The following BORCS8 variants were observed in gnomAD, a reference collection of about 807,000 sequenced individuals.
BORCS8 encodes BLOC-1 related complex subunit 8, also known as BLOC-1-related complex subunit 8.
BORCS8 carries 13 observed loss-of-function variants against 18.7 expected under a neutral mutation model. That is an observed-to-expected ratio of 0.70 (90% confidence interval 0.45 to 1.11). The LOEUF is 1.11. Ranked by LOEUF, BORCS8 falls within the 50% of genes least tolerant of loss-of-function variation. The pLI, the probability that BORCS8 is intolerant of heterozygous loss-of-function variation, is 0.00. For missense variants in BORCS8, 165 were observed against 165.7 expected, an observed-to-expected ratio of 1.00 and a Z score of 0.02; for synonymous variants, 68 against 64.8, an observed-to-expected ratio of 1.05 and a Z score of -0.24.
At chr19:19,187,828 C>G (rs906496841) in intron 1 of BORCS8, among the ~76,000 whole-genome samples, 5 of 150,562 alleles carry the variant, frequency 3.3e-5, no homozygotes, top group Non-Finnish European at 7.4e-5. Context: ...TGAGCCACCG[C>G]GCCTGGCCAG....
intron 1 of BORCS8, among the ~76,000 whole-genome samples, chr19:19,187,556 T>C (rs2146427295): frequency 1.3e-5 from 2 of 150,924 alleles, no homozygotes; most frequent in East Asian, 3.9e-4. Flanking sequence ...TTTTTTTTTT[T>C]TGAGACAGAG....
intron 2 of BORCS8, among the ~76,000 whole-genome samples, chr19:19,186,349 G>C (rs372285477): frequency 3.9e-5 from 6 of 152,292 alleles, no homozygotes; most frequent in African/African-American, 1.4e-4. Flanking sequence ...CTGCCTCCTT[G>C]CCATGCAGGT....
intron 3 of BORCS8, among the ~76,000 whole-genome samples, chr19:19,184,415 C>G (rs2060386610): frequency 6.7e-6 from 1 of 149,468 alleles, no homozygotes; most frequent in African/African-American, 2.5e-5. Flanking sequence ...ATGCCATTCT[C>G]CTGCCTCAGC....
intron 2 of BORCS8, among the ~76,000 whole-genome samples, 193 bp downstream of exon 2, chr19:19,186,700 C>A (rs545519561): frequency 6.6e-6 from 1 of 152,368 alleles, no homozygotes; most frequent in East Asian, 1.9e-4. Flanking sequence ...ATAAATTACC[C>A]AGTCTTGGCT....
At position 19,182,206 on chromosome 19, in the gene BORCS8, G is replaced by C. The variant is rs946035869; in HGVS notation, c.326+367C>G. 2.5e-6 allele frequency: 1 copy of C among 406,132 alleles called. No homozygotes were observed. Among genetic ancestry groups the C allele is most frequent in the African/African-American group, 2.1e-5 (1 of 46,638 alleles). 25.2% of individuals were successfully genotyped at this position (406,132 alleles called of 1,614,324 possible). A position where few individuals can be genotyped will look rare whatever the true frequency, so the allele number is the denominator to read the frequency against. On this transcript the variant is annotated intron_variant, in intron 4 of 5. Coordinates refer to ENST00000462790, the MANE Select transcript of BORCS8 (RefSeq NM_001145784.2). The surrounding 1 kb of genome is among the most constrained non-coding windows in gnomAD (Gnocchi z 4.1). ...CTCCGTCTGCCCCCGGATCGTCTCT[G>C]TCTGCATGTAACTCATGCCACCTCC... is the stretch of plus-strand genomic sequence containing the variant.
chr19:19,182,454 C>T lies in BORCS8; in HGVS notation c.326+119G>A. On this transcript the variant is annotated intron_variant, in intron 4 of 5. Transcript: ENST00000462790. The surrounding 1 kb of genome is among the most constrained non-coding windows in gnomAD (Gnocchi z 4.1). ...CAGGACAAGAGGAGGTCACCAGACA[C>T]CAGGACAAAAGGAAAGAGACAGTTT... 6.9e-7 allele frequency: 1 copy of T among 1,452,324 alleles called. No individual in the cohort carries two copies. Among genetic ancestry groups the T allele is most frequent in the Admixed American group, 2.5e-5 (1 of 40,422 alleles). The allele number at this position is 1,452,324 out of a possible 1,614,324, so 90.0% of individuals were successfully genotyped here.
Position 19,182,020 on chromosome 19 carries a change from T to C in BORCS8, c.326+553A>G. On this transcript the variant is annotated intron_variant, in intron 4 of 5. Transcript: ENST00000462790. The surrounding 1 kb of genome is among the most constrained non-coding windows in gnomAD (Gnocchi z 4.1). ...CCTGGTCCTGGGCTTAAAGCCTCCC[T>C]TGGCTCTGGGTCCTGGGACAGGGAG... is the stretch of plus-strand genomic sequence containing the variant. 3 of 985,462 alleles carry C rather than the reference T, an allele frequency of 3.0e-6. No homozygotes were observed. The highest frequency in any genetic ancestry group is 3.6e-6 in the Non-Finnish European group (3 of 829,962). 61.0% of individuals were successfully genotyped at this position (985,462 alleles called of 1,614,324 possible).
At position 19,182,620 on chromosome 19, in the gene BORCS8, C is replaced by T. The variant is rs1292767922; in HGVS notation, c.279G>A (p.Gln93=). ...TCATATGGTCCCGGATGCTGATGGC[C>T]TGTTTGAGCAGACCCTCCACGCTGC... ...YFRSVEGLLK[Q]AISIRDHMNA... Residue 93 remains glutamine, a synonymous_variant, in exon 4 of 6, where the codon CAG becomes CAA. Transcript: ENST00000462790. The surrounding 1 kb of genome is among the most constrained non-coding windows in gnomAD (Gnocchi z 4.1). 2 of 1,551,420 alleles carry T rather than the reference C, an allele frequency of 1.3e-6. No individual in the cohort carries two copies. The highest frequency in any genetic ancestry group is 1.7e-6 in the Non-Finnish European group (2 of 1,146,962).
Position 19,186,080 on chromosome 19 carries a change from C to T in BORCS8, c.169G>A (p.Glu57Lys). The T allele has an allele frequency of 6.4e-7, 1 of 1,550,760 alleles. No homozygotes were observed. The highest frequency in any genetic ancestry group is 2.0e-5 in the Admixed American group (1 of 50,890). Reference sequence around the variant, plus strand: ...TAGATGGCTCCCTGGCTCTGCTCCTCCCAACGCTGCATGTCTGCCTGTAGG... The same window carrying T: ...TAGATGGCTCCCTGGCTCTGCTCCTTCCAACGCTGCATGTCTGCCTGTAGG... ...AQHKADMQRW[E>K]EQSQGAIYTV... Residue 57 changes from glutamate (E) to lysine (K), a missense_variant, in exon 3 of 6, where the codon GAG (glutamate) becomes AAG (lysine). By Grantham distance (56) the Glu-to-Lys change is moderately conservative. Transcript: ENST00000462790.
intron 3 of BORCS8, among the ~76,000 whole-genome samples, chr19:19,183,671 G>A (rs1026243646): frequency 2.7e-5 from 4 of 147,624 alleles, no homozygotes; most frequent in Admixed American, 6.8e-5. Flanking sequence ...TGCAACCTCC[G>A]CCTCCCAGGT....
At chr19:19,180,848 T>G in intron 4 of BORCS8, 87 bp from the exon 5 acceptor site, 1 of 1,357,592 alleles carries the variant, frequency 7.4e-7, no homozygotes, top group Non-Finnish European at 9.9e-7. Flanking sequence ...GTTTGGGTGA[T>G]ACTCTGGTCT....
chr19:19,186,400 C>A (rs965016005), intron 2 of BORCS8, among the ~76,000 whole-genome samples: 17 of 152,200 alleles, frequency 1.1e-4, no homozygotes, highest in Non-Finnish European at 1.9e-4. Flanking sequence ...TGTGTCCCCA[C>A]CCAAATCTCA....
At chr19:19,188,188 C>G (rs1036022119) in intron 1 of BORCS8, among the ~76,000 whole-genome samples, 1 of 152,030 alleles carries the variant, frequency 6.6e-6, no homozygotes, top group Non-Finnish European at 1.5e-5. Context: ...CGCCACCACG[C>G]CCGGCTAACT....
At chr19:19,189,762 C>CA (rs1292023977) in intron 1 of BORCS8, among the ~76,000 whole-genome samples, 1 of 151,978 alleles carries the variant, frequency 6.6e-6, no homozygotes, top group Non-Finnish European at 1.5e-5. Context: ...TAAAAAATTG[C>CA]AAAAATAAGC....
intron 1 of BORCS8, among the ~76,000 whole-genome samples, chr19:19,188,034 T>A (rs1310876330): frequency 6.6e-6 from 1 of 151,126 alleles, no homozygotes; most frequent in Non-Finnish European, 1.5e-5. Flanking sequence ...TATTTATTTA[T>A]TTATTATTAT....
intron 4 of BORCS8, among the ~76,000 whole-genome samples, chr19:19,181,405 C>T (rs1038079371): frequency 7.2e-5 from 11 of 152,188 alleles, no homozygotes; most frequent in African/African-American, 2.7e-4. Flanking sequence ...CTGCAACTCA[C>T]TCACACAAGA....
intron 5 of BORCS8, chr19:19,177,696 G>GGAAGGAAAAGAAAAGAAAAGAAA (rs1376064847): frequency 1.3e-5 from 1 of 74,650 alleles, no homozygotes; most frequent in Admixed American, 1.7e-4. Flanking sequence ...AAGGAAGGAA[G>GGAAGGAAAAGAAAAGAAAAGAAA]AGAAAAGAAA....
Position 19,182,668 on chromosome 19 carries a change from C to T in BORCS8, c.231G>A (p.Leu77=). Reference sequence around the variant, plus strand: ...TGCGGAAGTAGACGCTGCTGTCCACCAGGTTCTTCACGGCGCTGAAACGGG... The same window carrying T: ...TGCGGAAGTAGACGCTGCTGTCCACTAGGTTCTTCACGGCGCTGAAACGGG... ...VEYACSAVKN[L]VDSSVYFRSV... Residue 77 remains leucine (L), a synonymous_variant, in exon 4 of 6, where the codon CTG becomes CTA. Coordinates refer to ENST00000462790, the MANE Select transcript of BORCS8 (RefSeq NM_001145784.2). This position sits in a 1 kb window ranked among gnomAD's most constrained non-coding sequence, Gnocchi z 4.1. The T allele has an allele frequency of 6.4e-7, 1 of 1,550,828 alleles. No individual in the cohort carries two copies. Among genetic ancestry groups the T allele is most frequent in the Non-Finnish European group, 8.7e-7 (1 of 1,146,784 alleles).
intron 4 of BORCS8, chr19:19,181,890 C>T (rs2060352730): frequency 5.1e-6 from 5 of 985,416 alleles, no homozygotes; most frequent in Non-Finnish European, 6.0e-6. Flanking sequence ...TGTTCATAAG[C>T]GTGTTTATTA....
Sources: allele counts gnomAD v4.1 joint callset (sites outside exome capture counted in the v4.1 genomes callset), GRCh38; gene constraint gnomAD v4.1.1; non-coding constraint Gnocchi (gnomAD v3.1); transcripts MANE v1.5; gene names NCBI Gene and HGNC (gene_info 2026-07-23, HGNC 2026-07-21).